EVA1C: variants seen among roughly 807,000 people sequenced by gnomAD.
The protein encoded by EVA1C is protein eva-1 homolog C.
EVA1C carries 25 observed loss-of-function variants against 45.4 expected under a neutral mutation model. That is an observed-to-expected ratio of 0.55 (90% CI 0.40 to 0.77). The LOEUF (loss-of-function observed/expected upper bound fraction) is 0.77. Among genes scored for constraint, EVA1C ranks in the 30% least tolerant of loss-of-function variants. The pLI, the probability that EVA1C is intolerant of heterozygous loss-of-function variation, is 0.00. For missense variants in EVA1C, 479 were observed against 554.8 expected (o/e 0.86, Z 1.37); for synonymous variants, 190 against 221.2 (o/e 0.86, Z 1.25).
chr21:32,448,149 T>C (rs1221186863), intron 1 of EVA1C, among the ~76,000 whole-genome samples: 10 of 152,152 alleles, frequency 6.6e-5, no homozygotes, highest in Admixed American at 5.9e-4. Flanking sequence ...CTTTTGGCAC[T>C]GTGGACCAAA....
chr21:32,512,000 A>T (rs1003497850), intron 7 of EVA1C, among the ~76,000 whole-genome samples: 8 of 151,628 alleles, frequency 5.3e-5, no homozygotes, highest in Non-Finnish European at 1.0e-4. Context: ...ATATTAAATT[A>T]AAAAAAAACA....
intron 7 of EVA1C, among the ~76,000 whole-genome samples, chr21:32,504,328 A>C (rs1327824745): frequency 6.6e-6 from 1 of 152,226 alleles, no homozygotes; most frequent in Non-Finnish European, 1.5e-5. Context: ...TTCGGGAAGG[A>C]ACTAGGATTA....
intron 1 of EVA1C, among the ~76,000 whole-genome samples, chr21:32,441,094 C>T (rs1313886379): frequency 6.6e-6 from 1 of 152,108 alleles, no homozygotes; most frequent in Non-Finnish European, 1.5e-5. Context: ...AAGAGTGAAA[C>T]TCCCTCTCAA....
In EVA1C at chr21:32,412,951, G is replaced by A. The variant is rs1376799002; in HGVS notation, c.98G>A (p.Arg33His). The A allele has an allele frequency of 2.6e-6, 4 of 1,556,278 alleles. No homozygotes were observed. The highest frequency in any genetic ancestry group is 3.8e-5 in the Admixed American group (2 of 53,094). ...RQVEPPGQLL[R>H]LFYCTVLVCS... Reference sequence around the variant, plus strand: ...GTAGAGCCGCCGGGGCAGCTCCTGCGCCTCTTCTACTGCACTGTCCTGGTC... The same window carrying A: ...GTAGAGCCGCCGGGGCAGCTCCTGCACCTCTTCTACTGCACTGTCCTGGTC... The change falls in exon 1 of 8, where the codon CGC (arginine) becomes CAC (histidine). Residue 33 changes from arginine to histidine, a missense_variant. Arg to His is a conservative substitution (Grantham distance 29). Coordinates refer to ENST00000300255, the MANE Select transcript of EVA1C (RefSeq NM_058187.5).
chr21:32,507,929 ATG>A, intron 7 of EVA1C, among the ~76,000 whole-genome samples: 1 of 132,972 alleles, frequency 7.5e-6, no homozygotes, highest in East Asian at 2.5e-4. Flanking sequence ...GTGTGCCTGT[ATG>A]TGTATCTGTA....
intron 7 of EVA1C, among the ~76,000 whole-genome samples, chr21:32,507,022 T>C (rs1244264649): frequency 7.2e-5 from 11 of 152,126 alleles, no homozygotes; most frequent in Non-Finnish European, 1.6e-4. Context: ...AGGCTGCAAG[T>C]AGCTTTGACA....
At chr21:32,438,778 T>A (rs2035064512) in intron 1 of EVA1C, among the ~76,000 whole-genome samples, 1 of 152,114 alleles carries the variant, frequency 6.6e-6, no homozygotes, top group South Asian at 2.1e-4. Context: ...GATTTTCAAC[T>A]GAACCGTCCA....
Position 32,488,788 on chromosome 21 carries a change from GT to G in EVA1C, c.635-6237del, listed in dbSNP as rs2037060441. On this transcript the variant is annotated intron_variant, in intron 4 of 7. Coordinates refer to ENST00000300255, the MANE Select transcript of EVA1C (RefSeq NM_058187.5). ...TTTAGTAGAGACAGGGTTTCACCAT[GT>G]TGGCCAGGCTGGTCTCGAACTCCTG... Among the ~76,000 whole-genome samples, 6 of 152,264 alleles carry G rather than the reference GT, an allele frequency of 3.9e-5. 1 individual carries two copies. Among genetic ancestry groups the G allele is most frequent in the Admixed American group, 3.9e-4 (6 of 15,288 alleles).
At chr21:32,511,055 C>CTCTCTA (rs1555876773) in intron 7 of EVA1C, among the ~76,000 whole-genome samples, 1 of 151,072 alleles carries the variant, frequency 6.6e-6, no homozygotes, top group African/African-American at 2.4e-5. Context: ...CTCTCTCTCT[C>CTCTCTA]TCTATCTATA....
rs899657691 is a variant in EVA1C at position 32,514,954 on chromosome 21, G to A, written c.1090G>A (p.Gly364Arg). 7 of 1,614,084 alleles carry A rather than the reference G, an allele frequency of 4.3e-6. No individual in the cohort carries two copies. The highest frequency in any genetic ancestry group is 3.3e-5 in the Admixed American group (2 of 59,996). ...GCTGGGGAGGGAGCAGCTGGTGCCA[G>A]GAAGTGACAAGGTCGAGGAGGACAG... ...LQLGREQLVP[G>R]SDKVEEDSED... Residue 364 changes from glycine to arginine, a missense_variant, in exon 8 of 8, where the codon GGA becomes AGA. Gly to Arg is a moderately radical substitution (Grantham distance 125). Around this residue, in one of 3 missense-constraint regions of EVA1C, gnomAD observed 366 missense variants for 426.1 expected, o/e 0.86. Transcript: ENST00000300255.
chr21:32,487,987 G>T (rs1410331848), intron 4 of EVA1C, among the ~76,000 whole-genome samples: 1 of 152,162 alleles, frequency 6.6e-6, no homozygotes, highest in Non-Finnish European at 1.5e-5. Flanking sequence ...GGGCTGGGGG[G>T]TAGTCTTGTG....
At chr21:32,487,967 A>G (rs1219691790) in intron 4 of EVA1C, among the ~76,000 whole-genome samples, 2 of 152,172 alleles carry the variant, frequency 1.3e-5, no homozygotes, top group Non-Finnish European at 2.9e-5. Flanking sequence ...TGCGATTGGC[A>G]TCTGATGAGG....
chr21:32,461,220 C>A lies in EVA1C; in HGVS notation c.481+3500C>A, dbSNP rs146732257. Among the ~76,000 whole-genome samples the A allele has an allele frequency of 2.7e-3, 412 of 152,350 alleles. 4 individuals are homozygous for A. Among genetic ancestry groups the A allele is most frequent in the African/African-American group, 9.3e-3 (385 of 41,582 alleles). On this transcript the variant is annotated intron_variant, in intron 3 of 7. Coordinates refer to ENST00000300255, the MANE Select transcript of EVA1C (RefSeq NM_058187.5). ...CAGCCACAGGGTAGGAGCACAGCAC[C>A]AAGACAGGAGAGAGCACCAGCTGGG...
intron 1 of EVA1C, among the ~76,000 whole-genome samples, chr21:32,420,669 C>T (rs1159799148): frequency 6.6e-6 from 1 of 152,178 alleles, no homozygotes; most frequent in African/African-American, 2.4e-5. Context: ...GCTGGGATTA[C>T]AGGAGTGAGC....
rs1221371697 is a variant in EVA1C at position 32,412,849 on chromosome 21, G to A, written c.-5G>A. On this transcript the variant is annotated 5_prime_UTR_variant, in exon 1 of 8. Coordinates refer to ENST00000300255, the MANE Select transcript of EVA1C (RefSeq NM_058187.5). ...CTGCGCCTCCGCCCCGCCGCGCAGC[G>A]CACGATGCTTCTGCCGGGACGCGCA... is the stretch of plus-strand genomic sequence containing the variant. 2 of 1,472,990 alleles carry A rather than the reference G, an allele frequency of 1.4e-6. No homozygotes were observed. Among genetic ancestry groups the A allele is most frequent in the Non-Finnish European group, 1.8e-6 (2 of 1,118,918 alleles). 91.2% of individuals were successfully genotyped at this position (1,472,990 alleles called of 1,614,324 possible). A position where few individuals can be genotyped will look rare whatever the true frequency, so the allele number is the denominator to read the frequency against.
chr21:32,445,499 C>T (rs909784512), intron 1 of EVA1C, among the ~76,000 whole-genome samples: 19 of 152,106 alleles, frequency 1.2e-4, no homozygotes, highest in African/African-American at 4.1e-4. Context: ...CAGGTTTGTG[C>T]GACCCAGTTC....
At chr21:32,430,560 C>T (rs2034658631) in intron 1 of EVA1C, among the ~76,000 whole-genome samples, 1 of 152,136 alleles carries the variant, frequency 6.6e-6, no homozygotes, top group Non-Finnish European at 1.5e-5. Context: ...TTAATGGACT[C>T]ACAGATCCAC....
chr21:32,480,796 C>T (rs1356859686), intron 4 of EVA1C, among the ~76,000 whole-genome samples: 1 of 152,086 alleles, frequency 6.6e-6, no homozygotes, highest in Non-Finnish European at 1.5e-5. Context: ...AACCTCGTCT[C>T]TACTAAAAAT....
intron 1 of EVA1C, chr21:32,428,828 T>C (rs1251088421): frequency 2.0e-5 from 3 of 152,168 alleles, no homozygotes; most frequent in African/African-American, 7.2e-5. Context: ...TGATCATTAT[T>C]ATTATTCAAG....
Sources: gnomAD v4.1 joint callset for allele counts (sites outside exome capture counted in the v4.1 genomes callset) on GRCh38, gnomAD v4.1.1 for gene constraint, gnomAD v4.1.1 regional missense constraint, MANE v1.5 for transcripts, NCBI Gene and HGNC (gene_info 2026-07-23, HGNC 2026-07-21) for gene names.